Variants in DLG2 observed in about 807,000 individuals in gnomAD.
The protein encoded by DLG2 is discs large MAGUK scaffold protein 2.
DLG2 carries 45 observed loss-of-function variants against 132.5 expected under a neutral mutation model. The ratio of observed to expected loss-of-function variants is 0.34; its 90% confidence interval spans 0.27 to 0.44. DLG2 has a LOEUF of 0.44. Ranked by LOEUF, DLG2 falls within the 20% of genes least tolerant of loss-of-function variation. The pLI is 1.00. For missense variants in DLG2, 1,045 were observed against 1,196.9 expected (o/e 0.87, Z 1.87); for synonymous variants, 424 against 419.6 (o/e 1.01, Z -0.13).
At position 85,472,819 on chromosome 11, in the gene DLG2, C is replaced by A. The variant is rs74411866; in HGVS notation, c.40+125838G>T. On this transcript the variant is annotated intron_variant, in intron 3 of 27. Coordinates refer to ENST00000376104, the MANE Select transcript of DLG2 (RefSeq NM_001142699.3). Reference sequence around the variant, plus strand: ...GCCAGGCCAGCCCAGAAGCCACAGCCCAGAATCGGGCGAAGGGACTGAATG... The same window carrying A: ...GCCAGGCCAGCCCAGAAGCCACAGCACAGAATCGGGCGAAGGGACTGAATG... Among the ~76,000 whole-genome samples the A allele has an allele frequency of 6.3e-4, 96 of 152,304 alleles. 1 individual carries two copies. In the East Asian group the frequency reaches 0.017, roughly 27 times the overall value.
At chr11:85,360,609 C>T (rs181660757) in intron 3 of DLG2, among the ~76,000 whole-genome samples, 267 of 152,230 alleles carry the variant, frequency 1.8e-3, no homozygotes, top group Non-Finnish European at 2.2e-3. Context: ...TGATCTTCTC[C>T]GTGGAGTCTT....
At chr11:84,669,287 G>A (rs543348826) in intron 6 of DLG2, among the ~76,000 whole-genome samples, 2 of 152,184 alleles carry the variant, frequency 1.3e-5, no homozygotes, top group South Asian at 4.1e-4. Context: ...CTGAAACAAG[G>A]GGGAGTATGG....
rs138423469 is a variant in DLG2, at chr11:83,893,066, T to C, written c.1497-18578A>G. Among the ~76,000 whole-genome samples, 373 of 152,308 alleles carry C rather than the reference T, an allele frequency of 2.4e-3. 3 individuals are homozygous for C. Among genetic ancestry groups the C allele is most frequent in the Non-Finnish European group, 4.1e-3 (278 of 68,022 alleles). ...GGCATTTTCAATGATTTATTTTCCA[T>C]CATACTCCATACCCAATCCATTAAC... On this transcript the variant is annotated intron_variant, in intron 15 of 27. Transcript: ENST00000376104.
chr11:84,956,016 C>T (rs1036320547), intron 6 of DLG2, among the ~76,000 whole-genome samples: 1 of 152,134 alleles, frequency 6.6e-6, no homozygotes, highest in African/African-American at 2.4e-5. Flanking sequence ...ATGTTTCCAG[C>T]AGAATAAGGG....
chr11:85,499,626 G>A (rs987600177), intron 3 of DLG2, among the ~76,000 whole-genome samples: 2 of 152,120 alleles, frequency 1.3e-5, no homozygotes, highest in East Asian at 3.8e-4. Context: ...ACCAAAGCCT[G>A]GCAGAGACAC....
intron 7 of DLG2, among the ~76,000 whole-genome samples, chr11:84,323,910 GT>G (rs1175139161): frequency 2.0e-5 from 3 of 151,602 alleles, no homozygotes; most frequent in South Asian, 2.1e-4. Context: ...CAGATTATTT[GT>G]TTTTTGGCTA....
chr11:84,796,908 G>A (rs559562105), intron 6 of DLG2, among the ~76,000 whole-genome samples: 2 of 152,002 alleles, frequency 1.3e-5, no homozygotes, highest in East Asian at 3.9e-4. Flanking sequence ...GTGCAATGGT[G>A]CAATTTCGGC....
chr11:85,475,996 T>C (rs1003554774), intron 3 of DLG2, among the ~76,000 whole-genome samples: 9 of 152,168 alleles, frequency 5.9e-5, no homozygotes, highest in African/African-American at 1.9e-4. Context: ...TTATGCATTG[T>C]TTAATGACAG....
chr11:84,673,837 A>G (rs17147490), intron 6 of DLG2, among the ~76,000 whole-genome samples: 3,930 of 152,186 alleles, frequency 0.026, 174 homozygotes, highest in African/African-American at 0.09. Context: ...ATACCTGTCA[A>G]CTACTCAAAG....
At chr11:85,507,940 CTTCATTTGA>C (rs1278783540) in intron 3 of DLG2, among the ~76,000 whole-genome samples, 1 of 151,808 alleles carries the variant, frequency 6.6e-6, no homozygotes, top group Non-Finnish European at 1.5e-5. Flanking sequence ...TCTCTTCTCA[CTTCATTTGA>C]TTCATTTGAT....
rs367677488 is a variant in DLG2, at chr11:83,657,706, T to C, written c.1826-24381A>G. Among the ~76,000 whole-genome samples the C allele has an allele frequency of 5.7e-3, 866 of 151,506 alleles. 12 individuals are homozygous for C. Among genetic ancestry groups the C allele is most frequent in the African/African-American group, 0.02 (828 of 41,374 alleles). ...GGCACCCGCCACCATGCCTGGCTAA[T>C]TTTTTTTGTATTTTTAGTAGAGACG... is the stretch of plus-strand genomic sequence containing the variant. On this transcript the variant is annotated intron_variant, in intron 18 of 27. Coordinates refer to ENST00000376104, the MANE Select transcript of DLG2 (RefSeq NM_001142699.3).
intron 15 of DLG2, among the ~76,000 whole-genome samples, chr11:83,915,539 A>G (rs187601824): frequency 6.6e-6 from 1 of 152,352 alleles, no homozygotes; most frequent in Non-Finnish European, 1.5e-5. Flanking sequence ...CATGTTAAAA[A>G]TGTAAAAATC....
At chr11:84,800,629 C>G (rs1455176665) in intron 6 of DLG2, 2 of 152,140 alleles carry the variant, frequency 1.3e-5, no homozygotes, top group Non-Finnish European at 2.9e-5. Flanking sequence ...CACAGTTGAT[C>G]ATATTTTTCT....
At chr11:84,144,142 C>T (rs567320257) in intron 9 of DLG2, among the ~76,000 whole-genome samples, 1 of 152,230 alleles carries the variant, frequency 6.6e-6, no homozygotes, top group African/African-American at 2.4e-5. Context: ...TTGTTGTTTA[C>T]TTTCATATGA....
chr11:85,179,665 G>A (rs1231113576), intron 4 of DLG2, among the ~76,000 whole-genome samples: 9 of 151,788 alleles, frequency 5.9e-5, no homozygotes, highest in Admixed American at 5.9e-4. Flanking sequence ...AAATGGGTGG[G>A]TGAAGGAGAA....
At chr11:85,217,999 T>C (rs979005662) in intron 4 of DLG2, among the ~76,000 whole-genome samples, 3 of 152,222 alleles carry the variant, frequency 2.0e-5, no homozygotes, top group Admixed American at 6.5e-5. Flanking sequence ...TTTCAGCATA[T>C]GGCTAGCCAG....
chr11:83,892,322 G>A (rs1197360104), intron 15 of DLG2, among the ~76,000 whole-genome samples: 3 of 152,232 alleles, frequency 2.0e-5, no homozygotes, highest in East Asian at 1.9e-4. Context: ...ATAAGTTAGC[G>A]CTTTCCTCTG....
intron 19 of DLG2, among the ~76,000 whole-genome samples, chr11:83,575,070 G>C (rs2144204932): frequency 6.6e-6 from 1 of 152,294 alleles, no homozygotes; most frequent in African/African-American, 2.4e-5. Context: ...CATGGCATCT[G>C]CAAGGGTATA....
chr11:83,760,469 CTT>C (rs202170665), intron 18 of DLG2, among the ~76,000 whole-genome samples: 5 of 146,084 alleles, frequency 3.4e-5, no homozygotes, highest in Admixed American at 6.8e-5. Context: ...TCCATCTATT[CTT>C]TTTTTTTTTT....
Sources: allele counts gnomAD v4.1 joint callset (sites outside exome capture counted in the v4.1 genomes callset), GRCh38; gene constraint gnomAD v4.1.1; transcripts MANE v1.5; gene names NCBI Gene and HGNC (gene_info 2026-07-23, HGNC 2026-07-21).